The following SCIN variants were observed in gnomAD, a reference collection of about 807,000 sequenced individuals.
SCIN encodes the protein adseverin.
In SCIN, 91 loss-of-function variants were observed where a neutral mutation model predicts 91.8. The observed-to-expected ratio is 0.99, with a 90% CI of 0.84 to 1.18. The LOEUF is 1.18. SCIN is among the 50% of genes most tolerant of loss of function. SCIN has a pLI of 0.00. For missense variants in SCIN, 1,087 were observed against 863.9 expected (o/e 1.26, Z -3.24); for synonymous variants, 367 against 312.6 (o/e 1.17, Z -1.84).
At position 12,644,602 on chromosome 7, in the gene SCIN, T is replaced by A. The variant is rs775694647; in HGVS notation, c.1778T>A (p.Leu593His). The change falls in exon 13 of 16, where the codon CTT becomes CAT. Residue 593 changes from leucine (L) to histidine (H), a missense_variant. By Grantham distance (99) the Leu-to-His change is moderately conservative. Coordinates refer to ENST00000297029, the MANE Select transcript of SCIN (RefSeq NM_001112706.3). The part of the protein sequence containing the change: ...GEEPEEFWNS[L>H]GGKKDYQTSP... The stretch of plus-strand genomic sequence containing the variant: ...TCCACAGAGGAGTTCTGGAATTCCC[T>A]TGGAGGGAAAAAAGACTACCAGACC... 6.2e-7 allele frequency: 1 copy of A among 1,610,946 alleles called. No homozygotes were observed. The highest frequency in any genetic ancestry group is 1.1e-5 in the South Asian group (1 of 90,200).
rs143518749 is a variant in SCIN, at chr7:12,587,959, C to T, written c.516+6738C>T. On this transcript the variant is annotated intron_variant, in intron 3 of 15. Transcript: ENST00000297029. ...AAACCAGCTTTCGAAACAGCATCCT[C>T]ACTTACTCCTGGCCAAAAAGCTGTA... Among the ~76,000 whole-genome samples, 818 of 152,352 alleles carry T rather than the reference C, an allele frequency of 5.4e-3. 29 individuals carry two copies. Among genetic ancestry groups the T allele is most frequent in the Admixed American group, 0.046 (701 of 15,302 alleles).
Position 12,640,510 on chromosome 7 carries a change from T to C in SCIN, c.1574T>C (p.Ile525Thr), listed in dbSNP as rs373819385. The C allele has an allele frequency of 5.6e-6, 9 of 1,609,608 alleles. No individual in the cohort carries two copies. The highest frequency in any genetic ancestry group is 1.7e-5 in the Admixed American group (1 of 59,410). ...AGAAACCTGGCATCTATCACCAGAA[T>C]TGTGGAGGTAATGTCATGCATTCCA... ...VRRNLASITR[I>T]VEVDVDANSL... Residue 525 changes from isoleucine to threonine, a missense_variant, in exon 11 of 16, where the codon ATT becomes ACT. Physicochemically the swap from Ile to Thr is moderately conservative, Grantham distance 89. Coordinates refer to ENST00000297029, the MANE Select transcript of SCIN (RefSeq NM_001112706.3).
chr7:12,591,037 G>C (rs1451853005), intron 3 of SCIN, among the ~76,000 whole-genome samples: 4 of 152,084 alleles, frequency 2.6e-5, no homozygotes, highest in Non-Finnish European at 5.9e-5. Flanking sequence ...AATCTGGGGG[G>C]TAGCTGGTGG....
intron 3 of SCIN, among the ~76,000 whole-genome samples, chr7:12,594,171 G>T (rs1782787373): frequency 6.6e-6 from 1 of 152,124 alleles, no homozygotes; most frequent in African/African-American, 2.4e-5. Context: ...TCAGAAGTGG[G>T]TTGGTTGGAG....
chr7:12,602,872 G>A (rs764286050), intron 3 of SCIN, among the ~76,000 whole-genome samples: 41 of 152,228 alleles, frequency 2.7e-4, no homozygotes, highest in Non-Finnish European at 4.9e-4. Flanking sequence ...CACAATTATA[G>A]TGGTCCTGAG....
Position 12,651,794 on chromosome 7 carries a change from G to A in SCIN, c.1960-47G>A. ...CACTTTACATAGGGCCTAGCACTGA[G>A]TCAACATCCCAGAAATCATACATAT... On this transcript the variant is annotated intron_variant, in intron 14 of 15. Coordinates refer to ENST00000297029, the MANE Select transcript of SCIN (RefSeq NM_001112706.3). This position sits in a 1 kb window ranked among gnomAD's most constrained non-coding sequence, Gnocchi z 5.9. The A allele has an allele frequency of 1.6e-6, 2 of 1,269,638 alleles. No individual in the cohort carries two copies. Among genetic ancestry groups the A allele is most frequent in the African/African-American group, 1.5e-5 (1 of 67,840 alleles). 78.6% of individuals were successfully genotyped at this position (1,269,638 alleles called of 1,614,324 possible).
rs145923658 is a variant in SCIN at position 12,607,652 on chromosome 7, A to G, written c.666+2989A>G. ...TTCATTCAATACATTCAGTGTCTAT[A>G]CTACATTTTATTTGACTGCTTTCAC... On this transcript the variant is annotated intron_variant, in intron 4 of 15. Coordinates refer to ENST00000297029, the MANE Select transcript of SCIN (RefSeq NM_001112706.3). 1.6e-3 allele frequency among the ~76,000 whole-genome samples: 246 copies of G among 152,330 alleles called. 1 individual carries two copies. The highest frequency in any genetic ancestry group is 5.6e-4 in the Non-Finnish European group (38 of 68,024).
chr7:12,600,283 T>C (rs1782931535), intron 3 of SCIN, among the ~76,000 whole-genome samples: 2 of 152,296 alleles, frequency 1.3e-5, no homozygotes, highest in East Asian at 1.9e-4. Flanking sequence ...TTCTCACTTA[T>C]ATGTGGGAGC....
intron 2 of SCIN, among the ~76,000 whole-genome samples, chr7:12,580,280 C>A (rs1782460919): frequency 6.6e-6 from 1 of 151,466 alleles, no homozygotes; most frequent in South Asian, 2.1e-4. Flanking sequence ...TGGTTCATAT[C>A]ATTTAATTAG....
rs1345068588 is a variant in SCIN, at chr7:12,644,262, T to C, written c.1706T>C (p.Val569Ala). 8 of 1,602,446 alleles carry C rather than the reference T, an allele frequency of 5.0e-6. No homozygotes were observed. Among genetic ancestry groups the C allele is most frequent in the Middle Eastern group, 1.7e-4 (1 of 6,050 alleles). Reference protein sequence around the residue: ...SQEEEKGAEYVASVLKCKTLR... With the variant: ...SQEEEKGAEYAASVLKCKTLR... Reference sequence around the variant, plus strand: ...GAGGAGGAGAAAGGAGCAGAGTATGTAGCAAGTGTCCTAAAGTGCAAAACC... The same window carrying C: ...GAGGAGGAGAAAGGAGCAGAGTATGCAGCAAGTGTCCTAAAGTGCAAAACC... Residue 569 changes from valine (V) to alanine (A), a missense_variant, in exon 12 of 16, where the codon GTA becomes GCA. By Grantham distance (64) the Val-to-Ala change is moderately conservative. Coordinates refer to ENST00000297029, the MANE Select transcript of SCIN (RefSeq NM_001112706.3).
chr7:12,608,065 A>T (rs1342738069), intron 4 of SCIN, among the ~76,000 whole-genome samples: 1 of 152,188 alleles, frequency 6.6e-6, no homozygotes, highest in East Asian at 1.9e-4. Context: ...GTTTATGCTC[A>T]TTGCTACTTG....
At position 12,578,204 on chromosome 7, in the gene SCIN, G is replaced by A. The variant is rs751614370; in HGVS notation, c.340G>A (p.Gly114Ser). 125 of 1,545,194 alleles carry A rather than the reference G, an allele frequency of 8.1e-5. No individual in the cohort carries two copies. Among genetic ancestry groups the A allele is most frequent in the East Asian group, 2.5e-4 (10 of 40,486 alleles). ...SNDFVSYFKG[G>S]LKYKAGGVAS... ...TGACTTTGTTAGCTATTTCAAAGGC[G>A]GTCTGAAATACAAGGTAAGCAGCTC... The change falls in exon 2 of 16, where the codon GGT (glycine) becomes AGT (serine). Residue 114 changes from glycine (G) to serine (S), a missense_variant. Physicochemically the swap from Gly to Ser is moderately conservative, Grantham distance 56 (BLOSUM62 0). Transcript: ENST00000297029.
At chr7:12,641,870 A>G (rs1447618521) in intron 11 of SCIN, among the ~76,000 whole-genome samples, 1 of 152,126 alleles carries the variant, frequency 6.6e-6, no homozygotes, top group Non-Finnish European at 1.5e-5. Context: ...TTCAGAGTTC[A>G]CAGAGAAGAT....
chr7:12,632,446 A>G (rs980152589), intron 9 of SCIN, among the ~76,000 whole-genome samples: 4 of 152,086 alleles, frequency 2.6e-5, no homozygotes, highest in African/African-American at 9.7e-5. Flanking sequence ...TTTATTTTAG[A>G]TAAATTATTC....
chr7:12,611,745 A>G (rs1329100706), intron 4 of SCIN, among the ~76,000 whole-genome samples: 1 of 152,138 alleles, frequency 6.6e-6, no homozygotes, highest in African/African-American at 2.4e-5. Context: ...CTTTATAGGA[A>G]AATGGTATAA....
chr7:12,644,805 C>T (rs1783927750), intron 13 of SCIN, 100 bp downstream of exon 13: 1 of 1,205,012 alleles, frequency 8.3e-7, no homozygotes, highest in Admixed American at 2.3e-5. Flanking sequence ...CACCTGAGGT[C>T]AGGAGTTCGA....
intron 1 of SCIN, chr7:12,577,681 T>C (rs1021083557): frequency 2.3e-6 from 1 of 427,122 alleles, no homozygotes; most frequent in African/African-American, 2.1e-5. Context: ...TGGAGACCTT[T>C]TCCCTACAAA....
intron 11 of SCIN, among the ~76,000 whole-genome samples, chr7:12,643,717 C>T (rs1438864295): frequency 6.6e-6 from 1 of 152,214 alleles, no homozygotes; most frequent in African/African-American, 2.4e-5. Context: ...CCCCTGCCTT[C>T]TTGAAGCATT....
chr7:12,607,754 G>A (rs560701977), intron 4 of SCIN, among the ~76,000 whole-genome samples: 9 of 152,172 alleles, frequency 5.9e-5, no homozygotes, highest in African/African-American at 1.2e-4. Flanking sequence ...TGGTCTTTTC[G>A]CTTTTGGAAA....
Sources: gnomAD v4.1 joint callset for allele counts (sites outside exome capture counted in the v4.1 genomes callset) on GRCh38, gnomAD v4.1.1 for gene constraint, Gnocchi (gnomAD v3.1) non-coding constraint, MANE v1.5 for transcripts, NCBI Gene and HGNC (gene_info 2026-07-23, HGNC 2026-07-21) for gene names.